Variants in IFT172 observed in about 807,000 individuals in gnomAD.
IFT172 encodes intraflagellar transport 172.
IFT172 carries 164 observed loss-of-function variants against 248.9 expected under a neutral mutation model. The observed-to-expected ratio is 0.66, with a 90% CI of 0.58 to 0.75. IFT172 has a LOEUF of 0.75. Ranked by LOEUF, IFT172 falls within the 30% of genes least tolerant of loss-of-function variation. The pLI, the probability that IFT172 is intolerant of heterozygous loss-of-function variation, is 0.00. For missense variants in IFT172, 1,950 were observed against 2,192.4 expected, an observed-to-expected ratio of 0.89 and a Z score of 2.21; for synonymous variants, 729 against 791.6, an observed-to-expected ratio of 0.92 and a Z score of 1.33.
chr2:27,458,290 C>G, intron 26 of IFT172, 67 bp from the exon 27 acceptor site: 1 of 1,321,484 alleles, frequency 7.6e-7, no homozygotes, highest in Non-Finnish European at 1.1e-6. Context: ...TTCAAGGAAA[C>G]CTGCTTGTTC....
chr2:27,483,626 A>T lies in IFT172; in HGVS notation c.436T>A (p.Ser146Thr). ...RLANTKTNKS[S>T]TIYGTESYVV... The stretch of plus-strand genomic sequence containing the variant: ...TAAGACTCTGTCCCATAGATGGTAG[A>T]TGATTTATTAGTTTTGGTGTTTGCT... The change falls in exon 6 of 48, where the codon TCT becomes ACT. Residue 146 changes from serine (S) to threonine (T), a missense_variant. This residue lies in a region of IFT172 where 1,166 missense variants were observed against 1,254.1 expected (regional missense o/e 0.93). Transcript: ENST00000260570. The T allele has an allele frequency of 4.3e-6, 7 of 1,614,176 alleles. No individual in the cohort carries two copies. The highest frequency in any genetic ancestry group is 5.9e-6 in the Non-Finnish European group (7 of 1,180,034).
In IFT172 at chr2:27,447,506, A is replaced by G; in HGVS notation, c.4659+9T>C. The G allele has an allele frequency of 1.9e-6, 3 of 1,613,792 alleles. No homozygotes were observed. The African/African-American group carries it at 4.0e-5, about 22-fold the overall frequency. Reference sequence around the variant, plus strand: ...TGACTGAGTGTTCCTTCGACCCCCTACATCTCACCAGCTGTTTGACACTCT... The same window carrying G: ...TGACTGAGTGTTCCTTCGACCCCCTGCATCTCACCAGCTGTTTGACACTCT... On this transcript the variant is annotated intron_variant, in intron 42 of 47. Transcript: ENST00000260570.
chr2:27,458,673 G>A (rs1276624091), intron 26 of IFT172, 106 bp downstream of exon 26: 1 of 1,311,124 alleles, frequency 7.6e-7, no homozygotes, highest in African/African-American at 1.5e-5. Flanking sequence ...GGTACTCTTT[G>A]TCAGCTTTCA....
At chr2:27,483,843 CT>C (rs1351054384) in intron 5 of IFT172, 28 bp downstream of exon 5, 1 of 1,575,520 alleles carries the variant, frequency 6.3e-7, no homozygotes, top group South Asian at 1.1e-5. Flanking sequence ...CTACCACCCC[CT>C]CTCTTGTGTT....
chr2:27,472,179 T>C, intron 15 of IFT172, 71 bp downstream of exon 15: 1 of 1,027,188 alleles, frequency 9.7e-7, no homozygotes, highest in Non-Finnish European at 1.6e-6. Context: ...CCTCCCTCAG[T>C]CCCTGGTGGC....
chr2:27,452,087 T>C (rs1665729634), intron 35 of IFT172, among the ~76,000 whole-genome samples: 1 of 152,162 alleles, frequency 6.6e-6, no homozygotes. Context: ...GGTGTTTCTA[T>C]AAGTGTTTTT....
chr2:27,464,284 C>G (rs1176753107), intron 18 of IFT172, among the ~76,000 whole-genome samples: 1 of 152,224 alleles, frequency 6.6e-6, no homozygotes, highest in Non-Finnish European at 1.5e-5. Flanking sequence ...CACAGATTCT[C>G]TCATCACTCC....
rs1357767705 is a variant in IFT172 at position 27,449,685 on chromosome 2, G to A, written c.4160+6C>T. On this transcript the variant is annotated splice_donor_region_variant and intron_variant, in intron 37 of 47. Transcript: ENST00000260570. ...ATTTCGCAGTAAGAAGGGGTTACAA[G>A]CTTACCTGGGATCTAACTCCTTAGC... 1.9e-6 allele frequency: 3 copies of A among 1,610,518 alleles called. No individual in the cohort carries two copies. In the African/African-American group the frequency reaches 4.0e-5, roughly 22 times the overall value.
intron 4 of IFT172, 34 bp from the exon 5 acceptor site, chr2:27,483,971 C>A: frequency 6.3e-7 from 1 of 1,591,242 alleles, no homozygotes; most frequent in South Asian, 1.1e-5. Flanking sequence ...AGGATAACCC[C>A]ATCTGTGTGG....
intron 14 of IFT172, among the ~76,000 whole-genome samples, chr2:27,476,225 T>C (rs1231447602): frequency 6.6e-6 from 1 of 152,172 alleles, no homozygotes; most frequent in East Asian, 1.9e-4. Context: ...AACCCTAAGA[T>C]ATATGTCTAG....
rs142409945 is a variant in IFT172 at position 27,459,395 on chromosome 2, A to C, written c.2770T>G (p.Ser924Ala). 1,319 of 1,614,080 alleles carry C rather than the reference A, an allele frequency of 8.2e-4. 3 individuals are homozygous for C. Among genetic ancestry groups the C allele is most frequent in the South Asian group, 1.6e-3 (142 of 91,080 alleles). Residue 924 changes from serine (S) to alanine (A), a missense_variant, in exon 25 of 48, where the codon TCC becomes GCC. Transcript: ENST00000260570. ...YYPLVAQHYA[S>A]LQEYEIAEEL... is the part of the protein sequence containing the mutation. ...TTCCTCACCTCATACTCCTGCAGGG[A>C]TGCATAGTGTTGGGCCACGAGAGGA...
chr2:27,467,910 C>T (rs889374314), intron 16 of IFT172, among the ~76,000 whole-genome samples: 1 of 151,888 alleles, frequency 6.6e-6, no homozygotes, highest in Non-Finnish European at 1.5e-5. Context: ...CCTGTAATCC[C>T]AGCACTATGG....
intron 18 of IFT172, among the ~76,000 whole-genome samples, chr2:27,463,730 A>C (rs777930106): frequency 3.3e-5 from 5 of 152,168 alleles, no homozygotes; most frequent in African/African-American, 4.8e-5. Flanking sequence ...TGAGACCTGA[A>C]TACAAGAAAA....
chr2:27,477,251 C>A lies in IFT172; in HGVS notation c.1291G>T (p.Val431Leu), dbSNP rs149985362. 1.2e-6 allele frequency: 2 copies of A among 1,614,148 alleles called. No individual in the cohort carries two copies. The highest frequency in any genetic ancestry group is 1.7e-6 in the Non-Finnish European group (2 of 1,180,002). The change falls in exon 13 of 48, where the codon GTA (valine) becomes TTA (leucine). Residue 431 changes from valine to leucine, a missense_variant. This residue lies in a region of IFT172 where 1,166 missense variants were observed against 1,254.1 expected (regional missense o/e 0.93). Coordinates refer to ENST00000260570, the MANE Select transcript of IFT172 (RefSeq NM_015662.3). ...EYGNNDTLGS[V>L]RTEFMNPHLI... is the part of the protein sequence containing the mutation. ...TGGGGGTTCATGAATTCAGTGCGTACAGAACCCAGGGTGTCATTATTCCCA... is the reference window on the plus strand; with the variant it reads ...TGGGGGTTCATGAATTCAGTGCGTAAAGAACCCAGGGTGTCATTATTCCCA...
chr2:27,449,460 T>C (rs1373848094), intron 38 of IFT172, 39 bp downstream of exon 38: 1 of 1,614,030 alleles, frequency 6.2e-7, no homozygotes, highest in Non-Finnish European at 8.5e-7. Context: ...TGTGAGTCTC[T>C]CCCTGCATTC....
At chr2:27,456,710 C>G (rs1389584796) in intron 29 of IFT172, 57 bp from the exon 30 acceptor site, 1 of 1,574,744 alleles carries the variant, frequency 6.4e-7, no homozygotes, top group Admixed American at 1.8e-5. Context: ...CTTCTCATCT[C>G]TGACCTCGGC....
At chr2:27,446,995 G>A (rs537257054) in intron 42 of IFT172, among the ~76,000 whole-genome samples, 31 of 144,202 alleles carry the variant, frequency 2.1e-4, no homozygotes, top group African/African-American at 6.5e-4. Context: ...CACCGCGCCC[G>A]GCCAACCTGG....
intron 7 of IFT172, among the ~76,000 whole-genome samples, chr2:27,483,047 G>T (rs1024147812): frequency 2.8e-5 from 4 of 141,580 alleles, no homozygotes; most frequent in African/African-American, 1.1e-4. Flanking sequence ...CTGTCACCCA[G>T]GCTGTAGTGC....
intron 14 of IFT172, 92 bp from the exon 15 acceptor site, chr2:27,472,454 A>G: frequency 4.2e-6 from 4 of 951,642 alleles, no homozygotes; most frequent in Non-Finnish European, 6.4e-6. Context: ...ATGCCTAGGA[A>G]GCTAGGTCTC....
Sources: allele counts gnomAD v4.1 joint callset (sites outside exome capture counted in the v4.1 genomes callset), GRCh38; gene constraint gnomAD v4.1.1; regional missense constraint gnomAD v4.1.1; transcripts MANE v1.5; gene names NCBI Gene and HGNC (gene_info 2026-07-23, HGNC 2026-07-21).